AZIN1: variants seen among roughly 807,000 people sequenced by gnomAD.
AZIN1 encodes ornithine decarboxylase antizyme inhibitor.
AZIN1 carries 12 observed loss-of-function variants against 47.4 expected under a neutral mutation model. The ratio of observed to expected loss-of-function variants is 0.25; its 90% confidence interval spans 0.16 to 0.41. AZIN1 has a LOEUF of 0.41. Ranked by LOEUF, AZIN1 falls within the 10% of genes least tolerant of loss-of-function variation. The pLI is 1.00. For missense variants in AZIN1, 410 were observed against 532.4 expected (o/e 0.77, Z 2.26); for synonymous variants, 155 against 176.3 (o/e 0.88, Z 0.96).
intron 2 of AZIN1, among the ~76,000 whole-genome samples, chr8:102,846,245 T>C (rs1167765821): frequency 6.6e-6 from 1 of 152,208 alleles, no homozygotes; most frequent in Non-Finnish European, 1.5e-5. Flanking sequence ...CCTCAGTACT[T>C]ATAAAAACAT....
intron 5 of AZIN1, among the ~76,000 whole-genome samples, chr8:102,836,894 T>G (rs1049782493): frequency 6.6e-6 from 1 of 152,184 alleles, no homozygotes; most frequent in Non-Finnish European, 1.5e-5. Flanking sequence ...ATAGGAAGCA[T>G]TTTTTAAATT....
Position 102,839,686 on chromosome 8 carries a change from CA to C in AZIN1, c.239del (p.Leu80TrpfsTer18). 6.3e-7 allele frequency: 1 copy of C among 1,588,128 alleles called. No homozygotes were observed. The highest frequency in any genetic ancestry group is 1.2e-5 in the South Asian group (1 of 85,296). On this transcript the variant is annotated frameshift_variant, in exon 4 of 12. Transcript: ENST00000337198. LOFTEE classifies it high-confidence loss of function. ...CNSAPAVLEI[L>X]AALGTGFACS... ...AAGCAAATCCGGTTCCAAGAGCTGCCAAAATCTCAAGTACAGCTGGAGCAGA... is the reference window on the plus strand; with the variant it reads ...AAGCAAATCCGGTTCCAAGAGCTGCCAAATCTCAAGTACAGCTGGAGCAGA...
intron 5 of AZIN1, among the ~76,000 whole-genome samples, chr8:102,838,487 A>G (rs1258129847): frequency 1.3e-5 from 2 of 152,222 alleles, no homozygotes; most frequent in Non-Finnish European, 2.9e-5. Flanking sequence ...CACACCAACT[A>G]TCAAGGATTC....
At chr8:102,829,758 T>C in intron 10 of AZIN1, 63 bp downstream of exon 10, 1 of 1,275,064 alleles carries the variant, frequency 7.8e-7, no homozygotes, top group Non-Finnish European at 1.1e-6. Flanking sequence ...GGGAAGCATC[T>C]TAAAAATAAC....
In AZIN1 at chr8:102,829,377, T is replaced by G; in HGVS notation, c.1130A>C (p.Asp377Ala). The G allele has an allele frequency of 6.2e-7, 1 of 1,614,038 alleles. No individual in the cohort carries two copies. The highest frequency in any genetic ancestry group is 8.5e-7 in the Non-Finnish European group (1 of 1,179,948). The change falls in exon 11 of 12, where the codon GAT (aspartate) becomes GCT (alanine). Residue 377 changes from aspartate (D) to alanine (A), a missense_variant. Physicochemically the swap from Asp to Ala is moderately radical, Grantham distance 126. Around this residue, in one of 3 missense-constraint regions of AZIN1, gnomAD observed 168 missense variants for 198.3 expected, o/e 0.85. Coordinates refer to ENST00000337198, the MANE Select transcript of AZIN1 (RefSeq NM_148174.4). ...SCLLPELNVG[D>A]WLIFDNMGAD... is the part of the protein sequence containing the mutation. ...TCCCATGTTATCAAAGATAAGCCAATCTCCCACATTCAGCTCAGGAAGAAG... is the reference window on the plus strand; with the variant it reads ...TCCCATGTTATCAAAGATAAGCCAAGCTCCCACATTCAGCTCAGGAAGAAG...
intron 1 of AZIN1, among the ~76,000 whole-genome samples, chr8:102,861,428 ATG>A (rs1813644307): frequency 1.3e-5 from 2 of 151,494 alleles, no homozygotes; most frequent in Admixed American, 1.3e-4. Flanking sequence ...GAGTTTCAGC[ATG>A]TTAGCCAGGC....
At chr8:102,834,132 C>T (rs1469009219) in intron 8 of AZIN1, 57 bp downstream of exon 8, 1 of 1,402,116 alleles carries the variant, frequency 7.1e-7, no homozygotes, top group Non-Finnish European at 1.0e-6. Flanking sequence ...ACACATCCAC[C>T]ACTTAAGTAA....
rs1813284462 is a variant in AZIN1, at chr8:102,856,200, G to T, written c.-96+1813C>A. ...AGAATTCTATGAAAAAGGGATTGTGGACCTGTAGCTTTATAGCAAAGCATC... is the reference window on the plus strand; with the variant it reads ...AGAATTCTATGAAAAAGGGATTGTGTACCTGTAGCTTTATAGCAAAGCATC... On this transcript the variant is annotated intron_variant, in intron 2 of 11. Transcript: ENST00000337198. The T allele has an allele frequency of 2.6e-5, 4 of 151,430 alleles. No individual in the cohort carries two copies. The South Asian group carries it at 8.4e-4, about 32-fold the overall frequency. 9.4% of individuals were successfully genotyped at this position (151,430 alleles called of 1,614,324 possible). A position where few individuals can be genotyped will look rare whatever the true frequency, so the allele number is the denominator to read the frequency against.
chr8:102,829,510 A>G (rs1811302353), intron 10 of AZIN1, 24 bp from the exon 11 acceptor site: 2 of 1,566,892 alleles, frequency 1.3e-6, no homozygotes, highest in Non-Finnish European at 1.7e-6. Flanking sequence ...TTTACAATTT[A>G]ATTTTTACTC....
intron 2 of AZIN1, among the ~76,000 whole-genome samples, 185 bp from the exon 3 acceptor site, chr8:102,843,932 T>C (rs1412500410): frequency 2.6e-5 from 4 of 152,206 alleles, no homozygotes; most frequent in Non-Finnish European, 5.9e-5. Flanking sequence ...TTAAAATACA[T>C]TTACCCAAAA....
At chr8:102,839,910 T>C in intron 3 of AZIN1, 87 bp from the exon 4 acceptor site, 1 of 909,636 alleles carries the variant, frequency 1.1e-6, no homozygotes, top group East Asian at 2.6e-5. Context: ...CCTCTTTTCC[T>C]CCACAAATAT....
At chr8:102,847,851 T>C (rs1029744636) in intron 2 of AZIN1, among the ~76,000 whole-genome samples, 1 of 152,150 alleles carries the variant, frequency 6.6e-6, no homozygotes, top group Admixed American at 6.5e-5. Flanking sequence ...CACCATGGCC[T>C]CCCAAAGTGT....
At chr8:102,851,987 T>A (rs1445948538) in intron 2 of AZIN1, among the ~76,000 whole-genome samples, 1 of 152,218 alleles carries the variant, frequency 6.6e-6, no homozygotes, top group East Asian at 1.9e-4. Context: ...AGTCTTTTGC[T>A]CAGTTTCTTG....
Position 102,858,114 on chromosome 8 carries a change from C to T in AZIN1, c.-197G>A. 5.0e-6 allele frequency: 2 copies of T among 398,826 alleles called. No individual in the cohort carries two copies. The highest frequency in any genetic ancestry group is 8.8e-6 in the Non-Finnish European group (2 of 226,012). The allele number at this position is 398,826 out of a possible 1,614,324, so 24.7% of individuals were successfully genotyped here. On this transcript the variant is annotated 5_prime_UTR_variant, in exon 2 of 12. Transcript: ENST00000337198. ...TCTCTATACAGCACTTCTCCTAGGC[C>T]CTCTGGGTAGTTGTATACTTGGTCA...
At chr8:102,835,939 A>T (rs2131211562) in intron 6 of AZIN1, among the ~76,000 whole-genome samples, 1 of 152,354 alleles carries the variant, frequency 6.6e-6, no homozygotes, top group Non-Finnish European at 1.5e-5. Flanking sequence ...ATTTTCATTA[A>T]GAATTCTAGC....
chr8:102,858,249 A>G, intron 1 of AZIN1, 99 bp from the exon 2 acceptor site: 1 of 395,498 alleles, frequency 2.5e-6, no homozygotes, highest in Non-Finnish European at 4.5e-6. Context: ...TCATTTTATA[A>G]CAATGTTTCA....
chr8:102,834,045 C>T, intron 8 of AZIN1, 144 bp downstream of exon 8: 1 of 592,776 alleles, frequency 1.7e-6, no homozygotes, highest in South Asian at 2.6e-5. Context: ...CTACTAACTG[C>T]CTATTCCTTT....
In AZIN1 at chr8:102,859,789, T is replaced by C. The variant is rs146025741; in HGVS notation, c.-233-1639A>G. Reference sequence around the variant, plus strand: ...AGGCGGAGGTTGCAGTGAGCCGAGATTGTGCCACTGTACTCCAGCCCAGGC... The same window carrying C: ...AGGCGGAGGTTGCAGTGAGCCGAGACTGTGCCACTGTACTCCAGCCCAGGC... On this transcript the variant is annotated intron_variant, in intron 1 of 11. Coordinates refer to ENST00000337198, the MANE Select transcript of AZIN1 (RefSeq NM_148174.4). Among the ~76,000 whole-genome samples the C allele has an allele frequency of 1.2e-3, 187 of 152,286 alleles. 6 individuals carry two copies. The East Asian group carries it at 0.034, about 28-fold the overall frequency.
At chr8:102,854,228 C>T (rs931962184) in intron 2 of AZIN1, among the ~76,000 whole-genome samples, 5 of 152,108 alleles carry the variant, frequency 3.3e-5, no homozygotes, top group African/African-American at 9.6e-5. Context: ...TGTGAGGCAC[C>T]GCACCCAGCG....
Sources: allele counts gnomAD v4.1 joint callset (sites outside exome capture counted in the v4.1 genomes callset), GRCh38; gene constraint gnomAD v4.1.1; regional missense constraint gnomAD v4.1.1; transcripts MANE v1.5; gene names NCBI Gene and HGNC (gene_info 2026-07-23, HGNC 2026-07-21).